Variants in MACROD2 observed in about 807,000 individuals in gnomAD.
The protein encoded by MACROD2 is mono-ADP ribosylhydrolase 2.
In MACROD2, 36 loss-of-function variants were observed where a neutral mutation model predicts 70.4. The ratio of observed to expected loss-of-function variants is 0.51; its 90% CI spans 0.39 to 0.68. The LOEUF (loss-of-function observed/expected upper bound fraction) is 0.68. MACROD2 is among the 30% of genes least tolerant of loss of function. The probability of loss-of-function intolerance (pLI) is 0.00; values close to 1 mark genes in which losing one functional copy is unlikely to be tolerated. For missense variants in MACROD2, 496 were observed against 538.4 expected (o/e 0.92, Z 0.78); for synonymous variants, 172 against 178.8 (o/e 0.96, Z 0.30).
In MACROD2 at chr20:15,239,297, A is replaced by T. The variant is rs746780207; in HGVS notation, c.540+9236A>T. On this transcript the variant is annotated intron_variant, in intron 6 of 17. Coordinates refer to ENST00000684519, the MANE Select transcript of MACROD2 (RefSeq NM_001351661.2). ...AACAAGTAAAAACAATAAAAAATTT[A>T]AAATAAAAACAAATCTGTCAGTGGA... Among the ~76,000 whole-genome samples the T allele has an allele frequency of 3.3e-5, 5 of 152,076 alleles. No homozygotes were observed. The South Asian group carries it at 6.2e-4, about 19-fold the overall frequency.
intron 3 of MACROD2, among the ~76,000 whole-genome samples, chr20:14,272,463 C>T (rs1304695579): frequency 7.3e-5 from 11 of 151,704 alleles, no homozygotes; most frequent in Admixed American, 1.3e-4. Context: ...TTGTCACCAC[C>T]AGGCCTGCCC....
At chr20:14,270,775 G>A (rs950413907) in intron 3 of MACROD2, among the ~76,000 whole-genome samples, 33 of 152,220 alleles carry the variant, frequency 2.2e-4, no homozygotes, top group Non-Finnish European at 4.7e-4. Flanking sequence ...CGTGAGTGAC[G>A]CAGAAGACGG....
At chr20:15,797,077 C>T (rs1301438305) in intron 8 of MACROD2, among the ~76,000 whole-genome samples, 1 of 152,092 alleles carries the variant, frequency 6.6e-6, no homozygotes, top group East Asian at 1.9e-4. Context: ...TTTCTTCTAG[C>T]AACCTGACCT....
chr20:14,230,652 T>TAAAAAA (rs1171919124), intron 3 of MACROD2, among the ~76,000 whole-genome samples: 1 of 34,796 alleles, frequency 2.9e-5, no homozygotes, highest in African/African-American at 1.6e-4. Context: ...TATATATATA[T>TAAAAAA]ATAACACAGG....
intron 8 of MACROD2, among the ~76,000 whole-genome samples, chr20:15,607,107 G>A (rs116844304): frequency 0.02 from 3,057 of 151,984 alleles, 41 homozygotes; most frequent in Non-Finnish European, 0.034. Context: ...CTTGAGGCCA[G>A]GAGTTCACGA....
At chr20:14,159,873 C>T (rs1347786022) in intron 3 of MACROD2, among the ~76,000 whole-genome samples, 1 of 151,978 alleles carries the variant, frequency 6.6e-6, no homozygotes, top group Non-Finnish European at 1.5e-5. Flanking sequence ...CATATATGGG[C>T]TTTATCATAT....
intron 5 of MACROD2, among the ~76,000 whole-genome samples, chr20:14,766,208 A>T (rs909951112): frequency 6.6e-6 from 1 of 152,072 alleles, no homozygotes; most frequent in Non-Finnish European, 1.5e-5. Context: ...AATTCTGGAC[A>T]GGGAGTGCTG....
At chr20:15,234,799 G>A (rs1379353282) in intron 6 of MACROD2, among the ~76,000 whole-genome samples, 2 of 151,938 alleles carry the variant, frequency 1.3e-5, no homozygotes, top group East Asian at 3.9e-4. Context: ...ATTGAGCCAG[G>A]GCTGGAAAAT....
intron 3 of MACROD2, among the ~76,000 whole-genome samples, chr20:14,126,473 T>G (rs2054651825): frequency 1.3e-5 from 2 of 152,184 alleles, no homozygotes; most frequent in South Asian, 2.1e-4. Context: ...CATACCTCAT[T>G]TATTGTACTT....
intron 7 of MACROD2, among the ~76,000 whole-genome samples, chr20:15,464,193 T>C (rs1415831459): frequency 2.0e-5 from 3 of 152,204 alleles, no homozygotes; most frequent in Admixed American, 2.0e-4. Flanking sequence ...TTTAAATTTT[T>C]TGGTAGAGAT....
At chr20:14,306,125 G>A (rs2082519263) in intron 3 of MACROD2, among the ~76,000 whole-genome samples, 2 of 151,960 alleles carry the variant, frequency 1.3e-5, no homozygotes, top group African/African-American at 4.8e-5. Flanking sequence ...AGTCAATAAT[G>A]ATCTATTTTT....
intron 2 of MACROD2, among the ~76,000 whole-genome samples, chr20:14,082,400 G>A (rs1354401496): frequency 6.8e-6 from 1 of 146,608 alleles, no homozygotes; most frequent in African/African-American, 2.5e-5. Context: ...CACCATGTTA[G>A]CCAGGATGGT....
At chr20:14,256,959 TC>T (rs1433334520) in intron 3 of MACROD2, among the ~76,000 whole-genome samples, 1 of 152,202 alleles carries the variant, frequency 6.6e-6, no homozygotes, top group African/African-American at 2.4e-5. Context: ...TGTTACACAT[TC>T]TAGTTCACCA....
chr20:15,634,438 ACT>A (rs1176918888), intron 8 of MACROD2, among the ~76,000 whole-genome samples: 2 of 152,110 alleles, frequency 1.3e-5, no homozygotes, highest in Non-Finnish European at 2.9e-5. Context: ...TCTGAATGTG[ACT>A]CTCTACCCAG....
intron 8 of MACROD2, among the ~76,000 whole-genome samples, chr20:15,827,043 C>G (rs751329221): frequency 6.6e-5 from 10 of 152,132 alleles, no homozygotes; most frequent in Non-Finnish European, 1.3e-4. Flanking sequence ...TAGAACTTTT[C>G]TTTTGGGTAG....
At chr20:15,261,448 G>T (rs1387888392) in intron 6 of MACROD2, among the ~76,000 whole-genome samples, 1 of 151,874 alleles carries the variant, frequency 6.6e-6, no homozygotes, top group Non-Finnish European at 1.5e-5. Flanking sequence ...AGCAGGTTAA[G>T]TCTAATTGGC....
At chr20:15,167,685 A>G (rs2076395009) in intron 5 of MACROD2, among the ~76,000 whole-genome samples, 1 of 152,196 alleles carries the variant, frequency 6.6e-6, no homozygotes, top group African/African-American at 2.4e-5. Flanking sequence ...TTCACGGACT[A>G]GAAGTTCAAA....
intron 5 of MACROD2, among the ~76,000 whole-genome samples, chr20:15,138,783 G>A (rs1278947708): frequency 6.6e-6 from 1 of 152,192 alleles, no homozygotes. Context: ...AGGGCTGTGA[G>A]TGAGTTGGAA....
chr20:14,233,007 T>C (rs182456644), intron 3 of MACROD2, among the ~76,000 whole-genome samples: 1 of 152,312 alleles, frequency 6.6e-6, no homozygotes, highest in Admixed American at 6.5e-5. Context: ...TTGTTGTGTC[T>C]CAGGGAATAG....
Sources: gnomAD v4.1 joint callset for allele counts (sites outside exome capture counted in the v4.1 genomes callset) on GRCh38, gnomAD v4.1.1 for gene constraint, MANE v1.5 for transcripts, NCBI Gene and HGNC (gene_info 2026-07-23, HGNC 2026-07-21) for gene names.